MTMR2: variants seen among roughly 807,000 people sequenced by gnomAD.
MTMR2 encodes phosphatidylinositol-3,5-bisphosphate 3-phosphatase MTMR2.
A neutral mutation model predicts 86.9 loss-of-function variants in MTMR2; 55 were observed. The observed-to-expected ratio is 0.63, with a 90% CI of 0.51 to 0.79. The LOEUF (loss-of-function observed/expected upper bound fraction) is 0.79. Among genes scored for constraint, MTMR2 ranks in the 30% least tolerant of loss-of-function variants. The probability of loss-of-function intolerance (pLI) is 0.00; values close to 1 mark genes in which losing one functional copy is unlikely to be tolerated. For synonymous variants in MTMR2, 241 were observed against 266.8 expected (o/e 0.90, Z 0.94); for missense variants, 659 against 772.3 (o/e 0.85, Z 1.74).
At position 95,859,674 on chromosome 11, in the gene MTMR2, A is replaced by T. The variant is rs189591883; in HGVS notation, c.469-1042T>A. 1.8e-3 allele frequency among the ~76,000 whole-genome samples: 273 copies of T among 152,264 alleles called. 1 individual carries two copies. Among genetic ancestry groups the T allele is most frequent in the African/African-American group, 3.0e-3 (125 of 41,540 alleles). On this transcript the variant is annotated intron_variant, in intron 5 of 14. Transcript: ENST00000346299. ...ACCTTGTCTCTACAAAAAATTTTTT[A>T]AAAAAAATTTATAAGAAAAGAATAA...
chr11:95,903,627 C>G (rs1452773207), intron 1 of MTMR2, among the ~76,000 whole-genome samples: 1 of 152,168 alleles, frequency 6.6e-6, no homozygotes, highest in Non-Finnish European at 1.5e-5. Flanking sequence ...TTCATATTTT[C>G]TTTGCTTTCT....
chr11:95,833,772 T>C lies in MTMR2; in HGVS notation c.*1518A>G, dbSNP rs913355363. On this transcript the variant is annotated 3_prime_UTR_variant, in exon 15 of 15. Transcript: ENST00000346299. ...GCTTAATTTTTAATTACTGATTTGC[T>C]AGCCACTTAAATGCCCTGTTAAAAA... The C allele has an allele frequency of 6.6e-6, 1 of 152,116 alleles. No individual in the cohort carries two copies. The highest frequency in any genetic ancestry group is 1.9e-4 in the East Asian group (1 of 5,198). The allele number at this position is 152,116 out of a possible 1,614,324, so 9.4% of individuals were successfully genotyped here. A position where few individuals can be genotyped will look rare whatever the true frequency, so the allele number is the denominator to read the frequency against.
At chr11:95,900,148 G>C (rs926123219) in intron 1 of MTMR2, among the ~76,000 whole-genome samples, 1 of 152,158 alleles carries the variant, frequency 6.6e-6, no homozygotes, top group African/African-American at 2.4e-5. Context: ...TGGCTAGGAT[G>C]TGGTATGTGG....
At chr11:95,838,311 A>G in intron 12 of MTMR2, 104 bp from the exon 13 acceptor site, 1 of 719,220 alleles carries the variant, frequency 1.4e-6, no homozygotes, top group Admixed American at 1.9e-5. Context: ...ATGAAGTTAA[A>G]CATTCAAATC....
In MTMR2 at chr11:95,923,723, G is replaced by A. The variant is rs964863715; in HGVS notation, c.80+152C>T. 14 of 1,454,772 alleles carry A rather than the reference G, an allele frequency of 9.6e-6. No homozygotes were observed. The Admixed American group carries it at 1.6e-4, about 16-fold the overall frequency. The allele number at this position is 1,454,772 out of a possible 1,614,324, so 90.1% of individuals were successfully genotyped here. On this transcript the variant is annotated intron_variant, in intron 1 of 14. Transcript: ENST00000346299. The stretch of plus-strand genomic sequence containing the variant: ...TTCCTCAGCCTCCACGCCCCAGGGA[G>A]GGAGGCAGAAGTGGTTCCCAAGTCC...
intron 2 of MTMR2, among the ~76,000 whole-genome samples, chr11:95,887,183 T>C (rs1865542796): frequency 2.0e-5 from 3 of 152,206 alleles, no homozygotes; most frequent in Admixed American, 6.5e-5. Flanking sequence ...CCTCAACTTA[T>C]GCTCAACAGC....
rs770852495 is a variant in MTMR2, at chr11:95,845,152, A to G, written c.1187T>C (p.Leu396Pro). 3 of 1,613,740 alleles carry G rather than the reference A, an allele frequency of 1.9e-6. No individual in the cohort carries two copies. The highest frequency in any genetic ancestry group is 3.3e-5 in the Admixed American group (2 of 59,960). The change falls in exon 11 of 15, where the codon CTT (leucine) becomes CCT (proline). Residue 396 changes from leucine to proline, a missense_variant. Physicochemically the swap from Leu to Pro is moderately conservative, Grantham distance 98. Around this residue, in one of 3 missense-constraint regions of MTMR2, gnomAD observed 387 missense variants for 526.3 expected, o/e 0.74. Transcript: ENST00000346299. The stretch of plus-strand genomic sequence containing the variant: ...GTCAGCAATCCTAAGAGCCCCTGCA[A>G]GAATAAGCTGGAAAACAGATTTTTT... ...THWLEHIKLI[L>P]AGALRIADKV... is the part of the protein sequence containing the mutation.
chr11:95,874,136 T>C (rs1218245403), intron 2 of MTMR2, among the ~76,000 whole-genome samples: 1 of 151,884 alleles, frequency 6.6e-6, no homozygotes, highest in Non-Finnish European at 1.5e-5. Flanking sequence ...CTGAGTTCAA[T>C]TCCTGGATAT....
At chr11:95,837,762 T>A (rs1863348611) in intron 13 of MTMR2, among the ~76,000 whole-genome samples, 2 of 152,076 alleles carry the variant, frequency 1.3e-5, no homozygotes, top group South Asian at 4.1e-4. Context: ...AATTAAATTT[T>A]TCTGCACCTG....
intron 7 of MTMR2, among the ~76,000 whole-genome samples, chr11:95,853,058 T>C (rs988423533): frequency 7.4e-5 from 11 of 149,114 alleles, no homozygotes; most frequent in African/African-American, 1.5e-4. Context: ...TATATATATA[T>C]ACACAGTTCA....
At chr11:95,921,051 A>G (rs769312785) in intron 1 of MTMR2, among the ~76,000 whole-genome samples, 9 of 152,266 alleles carry the variant, frequency 5.9e-5, no homozygotes, top group Admixed American at 2.0e-4. Context: ...AAAAGTACTT[A>G]AAGAAATTAG....
chr11:95,881,931 A>T (rs1050299601), intron 2 of MTMR2, among the ~76,000 whole-genome samples: 2 of 152,152 alleles, frequency 1.3e-5, no homozygotes, highest in Non-Finnish European at 2.9e-5. Context: ...ATTAAGTATG[A>T]GGCTTATTGT....
In MTMR2 at chr11:95,838,101, C is replaced by T. The variant is rs1863365201; in HGVS notation, c.1586G>A (p.Gly529Glu). The change falls in exon 13 of 15, where the codon GGA (glycine) becomes GAA (glutamate). Residue 529 changes from glycine to glutamate, a missense_variant. Physicochemically the swap from Gly to Glu is moderately conservative, Grantham distance 98 (BLOSUM62 -2). This residue lies in a region of MTMR2 where 193 missense variants were observed against 191.6 expected (regional missense o/e 1.01). Transcript: ENST00000346299. ...TFLCNSEQQR[G>E]KENLPKRTVS... ...TCATGTTTCATATTTTACCTCTTTT[C>T]CTCTCTGTTGTTCACTATTACAGAG... 1 of 1,587,378 alleles carries T rather than the reference C, an allele frequency of 6.3e-7. No individual in the cohort carries two copies.
At chr11:95,907,949 T>A (rs546678104) in intron 1 of MTMR2, 1 of 405,236 alleles carries the variant, frequency 2.5e-6, no homozygotes, top group East Asian at 7.5e-5. Context: ...AAGACAAGAA[T>A]GCCCACTGTC....
At position 95,836,192 on chromosome 11, in the gene MTMR2, A is replaced by T. The variant is rs1423812677; in HGVS notation, c.1726T>A (p.Trp576Arg). 3 of 1,612,698 alleles carry T rather than the reference A, an allele frequency of 1.9e-6. No homozygotes were observed. The highest frequency in any genetic ancestry group is 2.2e-5 in the East Asian group (1 of 44,862). Residue 576 changes from tryptophan to arginine, a missense_variant, in exon 14 of 15, where the codon TGG (tryptophan) becomes AGG (arginine). Transcript: ENST00000346299. Reference protein sequence around the residue: ...PVASMRHLELWVGYYIRWNPR... With the variant: ...PVASMRHLELRVGYYIRWNPR... ...TTCCACCTTATGTAATATCCCACCC[A>T]GAGCTCTAGGTGGCGCATGCTGGCT... is the stretch of plus-strand genomic sequence containing the variant.
intron 7 of MTMR2, among the ~76,000 whole-genome samples, chr11:95,852,992 G>A (rs1041555939): frequency 2.6e-5 from 4 of 151,586 alleles, no homozygotes; most frequent in East Asian, 1.9e-4. Context: ...CTAAGATCAC[G>A]CCACTGCACT....
chr11:95,871,832 T>A (rs1591007690), intron 2 of MTMR2, among the ~76,000 whole-genome samples: 1 of 152,244 alleles, frequency 6.6e-6, no homozygotes, highest in East Asian at 1.9e-4. Flanking sequence ...TGAATGGTAT[T>A]GCCTAGGTTT....
chr11:95,910,240 G>A (rs950581151), intron 1 of MTMR2, among the ~76,000 whole-genome samples: 2 of 151,768 alleles, frequency 1.3e-5, no homozygotes, highest in Admixed American at 6.6e-5. Flanking sequence ...CAATGTAACC[G>A]TTAGAAAAGT....
intron 2 of MTMR2, among the ~76,000 whole-genome samples, chr11:95,868,224 ATGCACTCCAC>A (rs1424068940): frequency 1.6e-5 from 2 of 124,296 alleles, no homozygotes; most frequent in Non-Finnish European, 3.2e-5. Context: ...GTGAGCTGTG[ATGCACTCCAC>A]TGCACTCCAG....
Sources: allele counts gnomAD v4.1 joint callset (sites outside exome capture counted in the v4.1 genomes callset), GRCh38; gene constraint gnomAD v4.1.1; regional missense constraint gnomAD v4.1.1; transcripts MANE v1.5; gene names NCBI Gene and HGNC (gene_info 2026-07-23, HGNC 2026-07-21).